The following PRELID2 variants were observed in gnomAD, a reference collection of about 807,000 sequenced individuals.
PRELID2 encodes PRELI domain containing 2.
PRELID2 carries 25 observed loss-of-function variants against 28.4 expected under a neutral mutation model. That is an observed-to-expected ratio of 0.88 (90% CI 0.64 to 1.23). The LOEUF (loss-of-function observed/expected upper bound fraction) is 1.23. Ranked by LOEUF, PRELID2 falls within the 50% of genes most tolerant of loss-of-function variation. The probability of loss-of-function intolerance (pLI) is 0.00; values close to 1 mark genes in which losing one functional copy is unlikely to be tolerated. For synonymous variants in PRELID2, 76 were observed against 71.6 expected, an observed-to-expected ratio of 1.06 and a Z score of -0.31; for missense variants, 201 against 214.4, an observed-to-expected ratio of 0.94 and a Z score of 0.39.
intron 1 of PRELID2, among the ~76,000 whole-genome samples, chr5:145,731,059 T>C (rs1756331090): frequency 2.0e-5 from 3 of 152,254 alleles, no homozygotes; most frequent in Non-Finnish European, 4.4e-5. Flanking sequence ...GGAGTGTCTC[T>C]CAGGTTTTAA....
At chr5:145,409,197 A>G in the PRELID2 span, among the ~76,000 whole-genome samples, 1 of 152,212 alleles carries the variant, frequency 6.6e-6, no homozygotes, top group Non-Finnish European at 1.5e-5. Context: ...CCAAGCCAGC[A>G]CTACAAGAAG....
At chr5:145,633,562 C>T (rs1753960190) in intron 1 of PRELID2, among the ~76,000 whole-genome samples, 1 of 152,208 alleles carries the variant, frequency 6.6e-6, no homozygotes, top group Admixed American at 6.5e-5. Context: ...AATGATCCTA[C>T]AGGACTGCTC....
chr5:145,552,705 C>T (rs1471851508), intron 1 of PRELID2, among the ~76,000 whole-genome samples: 1 of 152,100 alleles, frequency 6.6e-6, no homozygotes, highest in Non-Finnish European at 1.5e-5. Context: ...AAAAAGTGCT[C>T]TTTATTGTTT....
the PRELID2 span, among the ~76,000 whole-genome samples, chr5:145,292,544 T>C: frequency 1.3e-5 from 2 of 152,016 alleles, no homozygotes; most frequent in East Asian, 3.9e-4. Context: ...TCAGCAAATA[T>C]TTGGTAAGTG....
the PRELID2 span, among the ~76,000 whole-genome samples, chr5:145,365,578 G>T: frequency 6.6e-6 from 1 of 151,950 alleles, no homozygotes; most frequent in African/African-American, 2.4e-5. Context: ...AGCATTCACT[G>T]TGCTTGGGCT....
chr5:145,690,034 G>T (rs1755115371), intron 1 of PRELID2, among the ~76,000 whole-genome samples: 1 of 144,084 alleles, frequency 6.9e-6, no homozygotes, highest in African/African-American at 2.6e-5. Flanking sequence ...TCATGGCCCA[G>T]GCTGGAGTGC....
chr5:145,327,416 G>A, the PRELID2 span, among the ~76,000 whole-genome samples: 5 of 151,764 alleles, frequency 3.3e-5, no homozygotes, highest in African/African-American at 2.4e-5. Flanking sequence ...AATTTTGTAC[G>A]ATATAATTAA....
intron 1 of PRELID2, among the ~76,000 whole-genome samples, chr5:145,508,838 C>T (rs553667507): frequency 1.3e-5 from 2 of 152,232 alleles, no homozygotes; most frequent in South Asian, 2.1e-4. Context: ...CAAAAATAAC[C>T]GGCCTGGCAT....
At chr5:145,541,941 A>G (rs562872931) in intron 1 of PRELID2, among the ~76,000 whole-genome samples, 50 of 152,220 alleles carry the variant, frequency 3.3e-4, no homozygotes, top group South Asian at 3.1e-3. Context: ...CAGAAGAATG[A>G]GACTGATCTT....
the PRELID2 span, among the ~76,000 whole-genome samples, chr5:145,368,702 C>A: frequency 6.6e-6 from 1 of 151,880 alleles, no homozygotes; most frequent in Non-Finnish European, 1.5e-5. Flanking sequence ...TCACCCATAA[C>A]AGATTTTTAT....
At chr5:145,422,037 G>GCA in the PRELID2 span, among the ~76,000 whole-genome samples, 2 of 144,162 alleles carry the variant, frequency 1.4e-5, no homozygotes, top group African/African-American at 5.2e-5. Flanking sequence ...ATGTAGTTGA[G>GCA]TGGTTTTGAG....
chr5:145,515,557 C>T (rs893817661), intron 1 of PRELID2, among the ~76,000 whole-genome samples: 2 of 152,096 alleles, frequency 1.3e-5, no homozygotes, highest in Non-Finnish European at 1.5e-5. Context: ...GGATTCTACC[C>T]GAGTTACAAA....
intron 1 of PRELID2, among the ~76,000 whole-genome samples, chr5:145,733,386 A>C (rs1188909122): frequency 6.6e-6 from 1 of 152,242 alleles, no homozygotes; most frequent in African/African-American, 2.4e-5. Context: ...GGATTAAATA[A>C]TATAAAATCT....
At chr5:145,248,206 G>T in the PRELID2 span, among the ~76,000 whole-genome samples, 1 of 151,848 alleles carries the variant, frequency 6.6e-6, no homozygotes, top group South Asian at 2.1e-4. Flanking sequence ...TCATTCCTTC[G>T]TTCCCCCCCC....
In PRELID2 at chr5:145,835,168, G is replaced by C. The variant is rs1160929533; in HGVS notation, c.75+9C>G. Reference sequence around the variant, plus strand: ...GCGCGGGATACGGAAGGTGGAAGCGGGGCGGTACCTTTCGGAGAAAGCTGG... The same window carrying C: ...GCGCGGGATACGGAAGGTGGAAGCGCGGCGGTACCTTTCGGAGAAAGCTGG... On this transcript the variant is annotated intron_variant, in intron 1 of 6. Transcript: ENST00000683046. The C allele has an allele frequency of 1.9e-6, 3 of 1,543,288 alleles. No homozygotes were observed. Among genetic ancestry groups the C allele is most frequent in the African/African-American group, 2.7e-5 (2 of 72,748 alleles).
rs35732947 is a variant in PRELID2, at chr5:145,645,338, CTTTTTTTT to C, written n.70+119585_70+119592del. ...TCAGAGATTAGGATTGCAACTCCTG[CTTTTTTTT>C]TTTTTTTTTTTTTTTTTTGGCTTTT... On this transcript the variant is annotated intron_variant and non_coding_transcript_variant, in intron 1 of 2. Transcript: ENST00000510259. Among the ~76,000 whole-genome samples the C allele has an allele frequency of 3.6e-4, 17 of 47,854 alleles. 1 individual carries two copies. The highest frequency in any genetic ancestry group is 1.8e-3 in the African/African-American group (15 of 8,408). 31.4% of individuals were successfully genotyped at this position (47,854 alleles called of 152,430 possible).
the PRELID2 span, among the ~76,000 whole-genome samples, chr5:145,362,121 G>A: frequency 2.6e-5 from 4 of 152,154 alleles, no homozygotes; most frequent in South Asian, 8.3e-4. Flanking sequence ...GCCTTGTTTA[G>A]TGCTGTGCTT....
At chr5:145,319,586 C>T in the PRELID2 span, among the ~76,000 whole-genome samples, 1 of 151,766 alleles carries the variant, frequency 6.6e-6, no homozygotes, top group African/African-American at 2.4e-5. Context: ...CAGGAGAATC[C>T]CTTGAACCCG....
chr5:145,707,154 T>G (rs775757543), intron 1 of PRELID2, among the ~76,000 whole-genome samples: 9 of 152,208 alleles, frequency 5.9e-5, no homozygotes, highest in Non-Finnish European at 1.2e-4. Context: ...ATGACTCTGA[T>G]TTTATACTCA....
Sources: gnomAD v4.1 joint callset for allele counts (sites outside exome capture counted in the v4.1 genomes callset) on GRCh38, gnomAD v4.1.1 for gene constraint, MANE v1.5 for transcripts, NCBI Gene and HGNC (gene_info 2026-07-23, HGNC 2026-07-21) for gene names.